Variants in OCA2 observed in about 807,000 individuals in gnomAD.
OCA2 encodes OCA2 melanosomal transmembrane protein.
In OCA2, 77 loss-of-function variants were observed where a neutral mutation model predicts 100.2. That is an observed-to-expected ratio of 0.77 (90% CI 0.64 to 0.93). The LOEUF (loss-of-function observed/expected upper bound fraction) is 0.93, where lower values mean the gene tolerates loss of function less well. Ranked by LOEUF, OCA2 falls within the 40% of genes least tolerant of loss-of-function variation. The pLI is 0.00. For missense variants in OCA2, 1,062 were observed against 1,089.1 expected, an observed-to-expected ratio of 0.98 and a Z score of 0.35; for synonymous variants, 432 against 439.2, an observed-to-expected ratio of 0.98 and a Z score of 0.21.
At chr15:27,824,376 CAAAAG>C (rs1232808753) in intron 23 of OCA2, among the ~76,000 whole-genome samples, 1 of 150,716 alleles carries the variant, frequency 6.6e-6, no homozygotes, top group African/African-American at 2.4e-5. Context: ...CTCAAAAAAA[CAAAAG>C]AAAGAAGGAA....
chr15:27,905,542 G>C (rs1232325910), intron 19 of OCA2, among the ~76,000 whole-genome samples: 6 of 152,222 alleles, frequency 3.9e-5, no homozygotes, highest in Admixed American at 3.9e-4. Flanking sequence ...AGAGGAGCAG[G>C]AGCACAGAAA....
chr15:28,050,348 C>T (rs1566840593), intron 2 of OCA2, among the ~76,000 whole-genome samples: 1 of 151,616 alleles, frequency 6.6e-6, no homozygotes, highest in Non-Finnish European at 1.5e-5. Flanking sequence ...CACCTGAGGT[C>T]GAGTTCGAGA....
At chr15:28,011,093 C>T (rs1034600952) in intron 9 of OCA2, among the ~76,000 whole-genome samples, 3 of 152,148 alleles carry the variant, frequency 2.0e-5, no homozygotes, top group Non-Finnish European at 2.9e-5. Context: ...GTAGTCTTGT[C>T]GATAAATGAT....
intron 21 of OCA2, among the ~76,000 whole-genome samples, chr15:27,862,283 G>T (rs2036164920): frequency 6.6e-6 from 1 of 151,122 alleles, no homozygotes; most frequent in South Asian, 2.1e-4. Context: ...TCAGCCTCAA[G>T]TCCTCACAGA....
rs145767263 is a variant in OCA2, at chr15:27,932,137, C to A, written c.1952-5883G>T. Among the ~76,000 whole-genome samples, 8 of 152,268 alleles carry A rather than the reference C, an allele frequency of 5.3e-5. No homozygotes were observed. In the East Asian group the frequency reaches 9.7e-4, roughly 18 times the overall value. On this transcript the variant is annotated intron_variant, in intron 18 of 23. Coordinates refer to ENST00000354638, the MANE Select transcript of OCA2 (RefSeq NM_000275.3). ...CTGGAGAGCACCCAGAAAAAAATAA[C>A]AATATATGGGGACTGAGAGAAGGTT...
the OCA2 span, among the ~76,000 whole-genome samples, chr15:27,737,350 A>T: frequency 3.9e-5 from 6 of 152,246 alleles, no homozygotes; most frequent in African/African-American, 1.2e-4. Context: ...CAAATAGTAC[A>T]ATCTTGAGAA....
chr15:28,063,487 C>T (rs1394017255), intron 2 of OCA2, among the ~76,000 whole-genome samples: 1 of 152,106 alleles, frequency 6.6e-6, no homozygotes, highest in Non-Finnish European at 1.5e-5. Context: ...CTGTTCCTCA[C>T]TTCTCCATTA....
At chr15:28,039,288 T>C (rs1317856546) in intron 2 of OCA2, among the ~76,000 whole-genome samples, 3 of 152,208 alleles carry the variant, frequency 2.0e-5, no homozygotes, top group African/African-American at 7.2e-5. Context: ...AACAACATTA[T>C]AAACCAATTG....
chr15:28,083,080 G>T (rs79918837), intron 1 of OCA2, among the ~76,000 whole-genome samples: 59 of 152,266 alleles, frequency 3.9e-4, no homozygotes, highest in Non-Finnish European at 6.2e-4. Context: ...GCAGAGGCAC[G>T]TGCTGGGGCT....
intron 23 of OCA2, among the ~76,000 whole-genome samples, chr15:27,771,432 CG>C (rs1348932012): frequency 2.2e-5 from 3 of 138,830 alleles, no homozygotes; most frequent in Non-Finnish European, 3.1e-5. Context: ...ATCAATGGGC[CG>C]CCCCTCCGTG....
intron 23 of OCA2, among the ~76,000 whole-genome samples, chr15:27,817,053 A>T (rs768627506): frequency 7.9e-5 from 12 of 152,160 alleles, no homozygotes; most frequent in Non-Finnish European, 1.3e-4. Flanking sequence ...CAAGGCCAGC[A>T]ACCCAGGCCA....
chr15:28,091,463 A>G (rs1416874510), intron 1 of OCA2, among the ~76,000 whole-genome samples: 1 of 152,224 alleles, frequency 6.6e-6, no homozygotes, highest in East Asian at 1.9e-4. Flanking sequence ...AAAGAGCTAC[A>G]CACATAACTA....
chr15:27,986,841 A>G (rs1018720927), intron 11 of OCA2, among the ~76,000 whole-genome samples, 198 bp from the exon 12 acceptor site: 1 of 149,282 alleles, frequency 6.7e-6, no homozygotes, highest in Admixed American at 6.6e-5. Flanking sequence ...GCCTCTTGCT[A>G]GCAGTTTTGT....
At position 27,831,959 on chromosome 15, in the gene OCA2, C is replaced by T. The variant is rs115511424; in HGVS notation, c.2432+13000G>A. Reference sequence around the variant, plus strand: ...GACGTCCAGTGCCCGCTCCCGAGGCCGTCTCCAGCCCCCCGTGCTCAGGCG... The same window carrying T: ...GACGTCCAGTGCCCGCTCCCGAGGCTGTCTCCAGCCCCCCGTGCTCAGGCG... On this transcript the variant is annotated intron_variant, in intron 23 of 23. Coordinates refer to ENST00000354638, the MANE Select transcript of OCA2 (RefSeq NM_000275.3). Among the ~76,000 whole-genome samples the T allele has an allele frequency of 1.6e-3, 245 of 152,170 alleles. 1 individual carries two copies. Among genetic ancestry groups the T allele is most frequent in the African/African-American group, 5.2e-3 (215 of 41,512 alleles).
chr15:27,856,837 G>T (rs2035967302), intron 21 of OCA2, among the ~76,000 whole-genome samples: 1 of 152,120 alleles, frequency 6.6e-6, no homozygotes, highest in African/African-American at 2.4e-5. Flanking sequence ...TTCAAAAAAT[G>T]TTTGGAAAAA....
chr15:28,014,941 A>G lies in OCA2; in HGVS notation c.891-12T>C. On this transcript the variant is annotated splice_polypyrimidine_tract_variant and intron_variant, in intron 8 of 23. Coordinates refer to ENST00000354638, the MANE Select transcript of OCA2 (RefSeq NM_000275.3). ...TGGACACCGTCTCTCTGCAGAACGA[A>G]ACAACGACCTTACTGTTCACAAGGT... 6.2e-7 allele frequency: 1 copy of G among 1,613,994 alleles called. No individual in the cohort carries two copies. The highest frequency in any genetic ancestry group is 8.5e-7 in the Non-Finnish European group (1 of 1,179,994).
chr15:28,026,737 C>A (rs1261676682), intron 4 of OCA2, among the ~76,000 whole-genome samples: 1 of 152,172 alleles, frequency 6.6e-6, no homozygotes, highest in African/African-American at 2.4e-5. Flanking sequence ...CTGAGGCGGG[C>A]CTCTTCGCAC....
chr15:27,786,172 T>C (rs2032806128), intron 23 of OCA2, among the ~76,000 whole-genome samples: 1 of 152,238 alleles, frequency 6.6e-6, no homozygotes, highest in African/African-American at 2.4e-5. Flanking sequence ...CACATTTGCC[T>C]CTATTACAGT....
At chr15:27,723,772 G>A in the OCA2 span, among the ~76,000 whole-genome samples, 1 of 152,192 alleles carries the variant, frequency 6.6e-6, no homozygotes, top group East Asian at 1.9e-4. Flanking sequence ...CATTTTGGAT[G>A]CAATAGAATC....
Sources: gnomAD v4.1 joint callset for allele counts (sites outside exome capture counted in the v4.1 genomes callset) on GRCh38, gnomAD v4.1.1 for gene constraint, MANE v1.5 for transcripts, NCBI Gene and HGNC (gene_info 2026-07-23, HGNC 2026-07-21) for gene names.